The following PCDH9 variants were observed in gnomAD, a reference collection of about 807,000 sequenced individuals.
The protein encoded by PCDH9 is protocadherin 9, also known as protocadherin-9.
A neutral mutation model predicts 70.6 loss-of-function variants in PCDH9; 24 were observed. The observed-to-expected ratio is 0.34, with a 90% CI of 0.25 to 0.48. The LOEUF (loss-of-function observed/expected upper bound fraction) is 0.48, where lower values mean the gene tolerates loss of function less well. PCDH9 is among the 20% of genes least tolerant of loss of function. The pLI is 0.99. For missense variants in PCDH9, 1,281 were observed against 1,503.6 expected (o/e 0.85, Z 2.45); for synonymous variants, 562 against 558.5 (o/e 1.01, Z -0.09).
At chr13:66,919,497 A>C (rs1314596204) in intron 2 of PCDH9, among the ~76,000 whole-genome samples, 1 of 151,164 alleles carries the variant, frequency 6.6e-6, no homozygotes, top group Non-Finnish European at 1.5e-5. Context: ...AGATTCTTAA[A>C]ACTGTTTTGA....
chr13:67,164,118 T>A (rs980223552), intron 2 of PCDH9, among the ~76,000 whole-genome samples: 4 of 152,206 alleles, frequency 2.6e-5, no homozygotes, highest in African/African-American at 9.6e-5. Context: ...CATAATGCAA[T>A]CATAATGCAT....
At chr13:66,368,232 A>C (rs1444345343) in intron 4 of PCDH9, among the ~76,000 whole-genome samples, 1 of 152,068 alleles carries the variant, frequency 6.6e-6, no homozygotes, top group African/African-American at 2.4e-5. Context: ...ATGAGTTAAA[A>C]TTTTAATGTA....
rs1045783681 is a variant in PCDH9, at chr13:67,005,599, T to C, written c.3037-101994A>G. ...CCTATCCTTGCCAGTAAACTCATCT[T>C]AAGGTCCTTGTGAATCCTACAGCAG... On this transcript the variant is annotated intron_variant, in intron 2 of 4. Transcript: ENST00000377865. 5.3e-5 allele frequency among the ~76,000 whole-genome samples: 8 copies of C among 152,330 alleles called. No homozygotes were observed. In the East Asian group the frequency reaches 1.5e-3, roughly 29 times the overall value.
At chr13:67,004,459 T>C (rs945608342) in intron 2 of PCDH9, among the ~76,000 whole-genome samples, 2 of 149,448 alleles carry the variant, frequency 1.3e-5, no homozygotes, top group African/African-American at 4.9e-5. Context: ...TAGTCCCAGC[T>C]ACTCAGAGAA....
intron 3 of PCDH9, among the ~76,000 whole-genome samples, chr13:66,792,846 G>C (rs1330009556): frequency 6.6e-6 from 1 of 152,238 alleles, no homozygotes; most frequent in Non-Finnish European, 1.5e-5. Context: ...CTTAAGGATA[G>C]TGTGCCAAAA....
At chr13:66,696,122 G>C (rs1408884538) in intron 3 of PCDH9, among the ~76,000 whole-genome samples, 1 of 151,978 alleles carries the variant, frequency 6.6e-6, no homozygotes, top group African/African-American at 2.4e-5. Context: ...CTTAAAAGCA[G>C]AATATTATTC....
chr13:67,027,507 G>T (rs1369101465), intron 2 of PCDH9, among the ~76,000 whole-genome samples: 1 of 151,946 alleles, frequency 6.6e-6, no homozygotes. Context: ...CACAGGCATG[G>T]GCAAGGACTT....
chr13:66,960,897 C>G (rs968818683), intron 2 of PCDH9, among the ~76,000 whole-genome samples: 1 of 152,044 alleles, frequency 6.6e-6, no homozygotes, highest in Non-Finnish European at 1.5e-5. Flanking sequence ...TGAAGGTTAA[C>G]CTGTTTAGAG....
At chr13:66,590,913 T>C (rs891279877) in intron 4 of PCDH9, among the ~76,000 whole-genome samples, 1 of 151,804 alleles carries the variant, frequency 6.6e-6, no homozygotes, top group African/African-American at 2.4e-5. Context: ...CACAAAGTTT[T>C]CTTTCTTTTA....
At chr13:66,811,919 A>C (rs79027209) in intron 3 of PCDH9, among the ~76,000 whole-genome samples, 1 of 152,016 alleles carries the variant, frequency 6.6e-6, no homozygotes, top group East Asian at 1.9e-4. Flanking sequence ...ATATTTTAAA[A>C]TTTTTATTTA....
chr13:66,641,527 C>A (rs558087312), intron 3 of PCDH9, among the ~76,000 whole-genome samples: 3 of 152,134 alleles, frequency 2.0e-5, no homozygotes, highest in Admixed American at 1.3e-4. Context: ...TGACAAATTA[C>A]CGCATTCTCT....
At chr13:67,154,309 G>A (rs1163725529) in intron 2 of PCDH9, among the ~76,000 whole-genome samples, 3 of 152,002 alleles carry the variant, frequency 2.0e-5, no homozygotes, top group Non-Finnish European at 4.4e-5. Context: ...GTGATTATAG[G>A]CCAGATGTGG....
intron 4 of PCDH9, among the ~76,000 whole-genome samples, chr13:66,350,794 T>A (rs1186580485): frequency 2.0e-5 from 3 of 152,198 alleles, no homozygotes; most frequent in Non-Finnish European, 2.9e-5. Flanking sequence ...CATTCCTGCT[T>A]CTTATTTTCT....
chr13:66,657,804 T>A (rs999878199), intron 3 of PCDH9, among the ~76,000 whole-genome samples: 1 of 152,200 alleles, frequency 6.6e-6, no homozygotes, highest in Non-Finnish European at 1.5e-5. Context: ...CTGTTTATTA[T>A]GATGTGCATT....
intron 3 of PCDH9, among the ~76,000 whole-genome samples, chr13:66,783,307 C>T (rs1322681461): frequency 6.6e-6 from 1 of 152,052 alleles, no homozygotes; most frequent in East Asian, 1.9e-4. Context: ...ATCTGATAGT[C>T]CTTGCTCATC....
At chr13:66,320,559 T>A (rs1955735527) in intron 4 of PCDH9, among the ~76,000 whole-genome samples, 1 of 151,992 alleles carries the variant, frequency 6.6e-6, no homozygotes. Context: ...CTAAGAGTAT[T>A]TTTTATCTGT....
chr13:66,312,605 T>C (rs1351116657), intron 4 of PCDH9, among the ~76,000 whole-genome samples: 5 of 101,438 alleles, frequency 4.9e-5, no homozygotes, highest in Admixed American at 4.3e-4. Flanking sequence ...AGCGAGATCC[T>C]GCCTCAAAAA....
At chr13:66,497,480 T>A (rs1411268647) in intron 4 of PCDH9, among the ~76,000 whole-genome samples, 1 of 152,192 alleles carries the variant, frequency 6.6e-6, no homozygotes, top group African/African-American at 2.4e-5. Flanking sequence ...TCAGTTGAAT[T>A]TCTCATTTGC....
At chr13:66,725,771 T>A (rs2078997839) in intron 3 of PCDH9, among the ~76,000 whole-genome samples, 2 of 152,210 alleles carry the variant, frequency 1.3e-5, no homozygotes, top group Admixed American at 1.3e-4. Flanking sequence ...GAATAAAGAA[T>A]TCTGACACGC....
Sources: gnomAD v4.1 joint callset for allele counts (sites outside exome capture counted in the v4.1 genomes callset) on GRCh38, gnomAD v4.1.1 for gene constraint, MANE v1.5 for transcripts, NCBI Gene and HGNC (gene_info 2026-07-23, HGNC 2026-07-21) for gene names.